Variants in CNTNAP2 observed in about 807,000 individuals in gnomAD.
CNTNAP2 encodes the protein contactin-associated protein-like 2.
In CNTNAP2, 98 loss-of-function variants were observed where a neutral mutation model predicts 155.2. The observed-to-expected ratio is 0.63, with a 90% CI of 0.54 to 0.75. The LOEUF is 0.75. Ranked by LOEUF, CNTNAP2 falls within the 30% of genes least tolerant of loss-of-function variation. The pLI, the probability that CNTNAP2 is intolerant of heterozygous loss-of-function variation, is 0.00. For missense variants in CNTNAP2, 1,727 were observed against 1,688.1 expected (o/e 1.02, Z -0.40); for synonymous variants, 651 against 631.2 (o/e 1.03, Z -0.47).
chr7:146,599,261 C>T (rs987152152), intron 1 of CNTNAP2, among the ~76,000 whole-genome samples: 13 of 152,140 alleles, frequency 8.5e-5, no homozygotes, highest in African/African-American at 2.2e-4. Context: ...CTAAAATAAT[C>T]ATTCAATATT....
chr7:147,642,961 A>G (rs1795305251), intron 13 of CNTNAP2, among the ~76,000 whole-genome samples: 1 of 152,192 alleles, frequency 6.6e-6, no homozygotes, highest in Non-Finnish European at 1.5e-5. Flanking sequence ...ACCTTGGGGC[A>G]GTGGTTTAAG....
rs542205491 is a variant in CNTNAP2 at position 146,667,493 on chromosome 7, T to C, written c.98-106778T>C. On this transcript the variant is annotated intron_variant, in intron 1 of 23. Transcript: ENST00000361727. ...GGTTTCATACAAATTTTAGGATTTT[T>C]TTTCTATTTCTGTGGAGTGTCGTTT... Among the ~76,000 whole-genome samples the C allele has an allele frequency of 7.2e-5, 11 of 152,156 alleles. No individual in the cohort carries two copies. The East Asian group carries it at 2.1e-3, about 29-fold the overall frequency.
chr7:146,338,526 T>A (rs1801318340), intron 1 of CNTNAP2, among the ~76,000 whole-genome samples: 1 of 152,094 alleles, frequency 6.6e-6, no homozygotes, highest in South Asian at 2.1e-4. Flanking sequence ...AGTTTTCTGG[T>A]GTGAGGTGAA....
chr7:147,926,984 C>T (rs1168357212), intron 14 of CNTNAP2, among the ~76,000 whole-genome samples: 1 of 152,046 alleles, frequency 6.6e-6, no homozygotes, highest in East Asian at 1.9e-4. Context: ...CTAATAAATG[C>T]CAGAGAAACA....
chr7:146,622,279 C>CTATCTATA (rs1216256197), intron 1 of CNTNAP2, among the ~76,000 whole-genome samples: 155 of 100,574 alleles, frequency 1.5e-3, no homozygotes, highest in South Asian at 0.013. Context: ...ATCTATCTAT[C>CTATCTATA]TATATATATA....
chr7:147,961,269 C>T (rs996071279), intron 14 of CNTNAP2, among the ~76,000 whole-genome samples: 1 of 152,136 alleles, frequency 6.6e-6, no homozygotes, highest in African/African-American at 2.4e-5. Context: ...CTTCTGCCTT[C>T]TTCTAAATAG....
At chr7:147,341,734 G>T (rs1453396266) in intron 9 of CNTNAP2, among the ~76,000 whole-genome samples, 2 of 147,988 alleles carry the variant, frequency 1.4e-5, no homozygotes, top group Non-Finnish European at 3.0e-5. Flanking sequence ...ACCCAACAAG[G>T]TTCTAATCTA....
At chr7:148,401,789 G>A (rs973054870) in intron 22 of CNTNAP2, among the ~76,000 whole-genome samples, 7 of 152,032 alleles carry the variant, frequency 4.6e-5, no homozygotes, top group Non-Finnish European at 8.8e-5. Context: ...TAGTAGAGAC[G>A]GGGTTTCACC....
At chr7:147,483,289 A>ATTTAAAT (rs1331138599) in intron 10 of CNTNAP2, among the ~76,000 whole-genome samples, 2 of 152,196 alleles carry the variant, frequency 1.3e-5, no homozygotes, top group East Asian at 3.9e-4. Context: ...GAGGCTGTGC[A>ATTTAAAT]TAGGTTATAT....
chr7:146,231,935 A>G (rs1396519277), intron 1 of CNTNAP2, among the ~76,000 whole-genome samples: 2 of 152,218 alleles, frequency 1.3e-5, no homozygotes, highest in Non-Finnish European at 2.9e-5. Flanking sequence ...AGAATAAACC[A>G]TGCAAACACA....
chr7:147,019,601 AT>A (rs765320636), intron 3 of CNTNAP2, among the ~76,000 whole-genome samples: 52 of 152,168 alleles, frequency 3.4e-4, no homozygotes, highest in Non-Finnish European at 7.1e-4. Context: ...AGGACTTATT[AT>A]TTATTACTTT....
chr7:146,172,190 T>C (rs1798404302), intron 1 of CNTNAP2, among the ~76,000 whole-genome samples: 1 of 152,076 alleles, frequency 6.6e-6, no homozygotes, highest in Non-Finnish European at 1.5e-5. Context: ...AAAATACCTA[T>C]TTCTTCTTTT....
intron 1 of CNTNAP2, among the ~76,000 whole-genome samples, chr7:146,185,741 G>T (rs1798613282): frequency 6.6e-6 from 1 of 150,942 alleles, no homozygotes; most frequent in Non-Finnish European, 1.5e-5. Context: ...TTATTTTCAG[G>T]GAGTGAACTT....
At chr7:146,324,192 G>C (rs1801055696) in intron 1 of CNTNAP2, among the ~76,000 whole-genome samples, 1 of 152,104 alleles carries the variant, frequency 6.6e-6, no homozygotes, top group Non-Finnish European at 1.5e-5. Flanking sequence ...AACCCAGGAG[G>C]GGGAGGTTGC....
intron 8 of CNTNAP2, among the ~76,000 whole-genome samples, chr7:147,225,258 C>T (rs868503990): frequency 3.9e-5 from 6 of 152,246 alleles, no homozygotes; most frequent in Middle Eastern, 3.4e-3. Context: ...ATCTAGAGAA[C>T]TTCACAAATG....
intron 13 of CNTNAP2, among the ~76,000 whole-genome samples, chr7:147,845,017 T>C (rs1448313189): frequency 1.6e-5 from 2 of 128,494 alleles, no homozygotes; most frequent in Non-Finnish European, 3.4e-5. Flanking sequence ...TTGAGGATTT[T>C]TGCATCAATG....
chr7:147,299,030 A>G (rs531227032), intron 8 of CNTNAP2, among the ~76,000 whole-genome samples: 3 of 151,976 alleles, frequency 2.0e-5, no homozygotes, highest in Non-Finnish European at 4.4e-5. Flanking sequence ...TATTCGTTAG[A>G]GTTCTCTTTC....
chr7:146,555,508 A>G (rs1217207962), intron 1 of CNTNAP2, among the ~76,000 whole-genome samples: 2 of 146,850 alleles, frequency 1.4e-5, no homozygotes, highest in African/African-American at 5.0e-5. Context: ...CTATCTATCT[A>G]TCTATCTATC....
At chr7:147,274,460 G>A (rs1426532048) in intron 8 of CNTNAP2, among the ~76,000 whole-genome samples, 1 of 151,928 alleles carries the variant, frequency 6.6e-6, no homozygotes, top group Non-Finnish European at 1.5e-5. Flanking sequence ...TTGGCCACTT[G>A]TATGACTTTT....
Sources: allele counts gnomAD v4.1 joint callset (sites outside exome capture counted in the v4.1 genomes callset), GRCh38; gene constraint gnomAD v4.1.1; transcripts MANE v1.5; gene names NCBI Gene and HGNC (gene_info 2026-07-23, HGNC 2026-07-21).